The following TXNDC9 variants were observed in gnomAD, a reference collection of about 807,000 sequenced individuals.
TXNDC9 encodes the protein thioredoxin domain containing 9.
Under a neutral mutation model 23.0 loss-of-function variants are expected in TXNDC9, and 7 were observed. The ratio of observed to expected loss-of-function variants is 0.30; its 90% CI spans 0.17 to 0.57. TXNDC9 has a LOEUF of 0.57. TXNDC9 is among the 20% of genes least tolerant of loss of function. TXNDC9 has a pLI of 0.90. For missense variants in TXNDC9, 198 were observed against 252.6 expected, an observed-to-expected ratio of 0.78 and a Z score of 1.47; for synonymous variants, 72 against 90.6, an observed-to-expected ratio of 0.79 and a Z score of 1.17.
In TXNDC9 at chr2:99,319,522, C is replaced by A; in HGVS notation, c.*160G>T. 2 of 534,026 alleles carry A rather than the reference C, an allele frequency of 3.7e-6. No individual in the cohort carries two copies. Among genetic ancestry groups the A allele is most frequent in the South Asian group, 2.9e-5 (1 of 34,356 alleles). 33.1% of individuals were successfully genotyped at this position (534,026 alleles called of 1,614,324 possible). ...TTCCTCAACTTAAACATGATGGCCA[C>A]ACAGAAAACAGTAAAGACACTTTTC... On this transcript the variant is annotated 3_prime_UTR_variant, in exon 5 of 5. Transcript: ENST00000264255.
the TXNDC9 span, among the ~76,000 whole-genome samples, chr2:99,313,808 C>T: frequency 6.6e-6 from 1 of 152,150 alleles, no homozygotes; most frequent in African/African-American, 2.4e-5. Flanking sequence ...GTCCTTTTGT[C>T]CCTCCTACAT....
intron 3 of TXNDC9, among the ~76,000 whole-genome samples, chr2:99,324,822 T>C (rs890556444): frequency 6.6e-6 from 1 of 152,238 alleles, no homozygotes; most frequent in Non-Finnish European, 1.5e-5. Context: ...CTCAGCTCAA[T>C]GCAACCTCCG....
intron 2 of TXNDC9, among the ~76,000 whole-genome samples, chr2:99,331,388 A>T (rs2094224972): frequency 6.6e-6 from 1 of 152,070 alleles, no homozygotes; most frequent in African/African-American, 2.4e-5. Flanking sequence ...CAGCCTGACC[A>T]ACATGATGAA....
At chr2:99,314,529 C>CTTTTTTTTTTTT (rs55729391), downstream of TXNDC9, among the ~76,000 whole-genome samples, 11 of 97,420 alleles carry the variant, frequency 1.1e-4, no homozygotes, top group South Asian at 3.6e-4. Flanking sequence ...AATACTACAC[C>CTTTTTTTTTTTT]TTTTTTTTTT....
At chr2:99,310,777 A>T in the TXNDC9 span, among the ~76,000 whole-genome samples, 10 of 152,110 alleles carry the variant, frequency 6.6e-5, no homozygotes, top group African/African-American at 1.9e-4. Context: ...AAAAATAAAT[A>T]AATTAAAAAA....
In TXNDC9 at chr2:99,333,244, T is replaced by A; in HGVS notation, c.-32-2A>T. 6.4e-7 allele frequency: 1 copy of A among 1,574,634 alleles called. No homozygotes were observed. Among genetic ancestry groups the A allele is most frequent in the South Asian group, 1.2e-5 (1 of 84,964 alleles). On this transcript the variant is annotated splice_acceptor_variant, in intron 1 of 4. Coordinates refer to ENST00000264255, the MANE Select transcript of TXNDC9 (RefSeq NM_005783.4). LOFTEE classifies it low-confidence loss of function (5UTR_SPLICE). ...ATGGTACAGAGTTCAGCCTGGGTGC[T>A]GGGGAGAAGATTTACAAAATACATT...
At chr2:99,306,899 A>G in the TXNDC9 span, 2 of 403,840 alleles carry the variant, frequency 5.0e-6, no homozygotes, top group South Asian at 1.7e-5. Context: ...ACGTAGCCCA[A>G]AAACCTGTCT....
the TXNDC9 span, among the ~76,000 whole-genome samples, chr2:99,308,032 A>C: frequency 6.6e-6 from 1 of 151,838 alleles, no homozygotes; most frequent in Non-Finnish European, 1.5e-5. Context: ...AGACAGATAC[A>C]CCTCTAGAGT....
intron 4 of TXNDC9, among the ~76,000 whole-genome samples, chr2:99,320,735 T>C (rs1300107535): frequency 2.0e-5 from 3 of 152,200 alleles, no homozygotes; most frequent in Non-Finnish European, 2.9e-5. Flanking sequence ...TATGGAAGTC[T>C]TTAGGAGTAA....
At chr2:99,327,493 CTG>C (rs1400793243) in intron 3 of TXNDC9, 40 bp downstream of exon 3, 2 of 1,390,096 alleles carry the variant, frequency 1.4e-6, no homozygotes, top group East Asian at 4.6e-5. Flanking sequence ...AAACAATTCA[CTG>C]TGTTTTTTTA....
downstream of TXNDC9, among the ~76,000 whole-genome samples, chr2:99,318,187 G>C (rs1257573841): frequency 6.6e-6 from 1 of 152,166 alleles, no homozygotes; most frequent in African/African-American, 2.4e-5. Context: ...CACCGTGCCA[G>C]GCTCTTTCTG....
chr2:99,308,005 C>T, the TXNDC9 span, among the ~76,000 whole-genome samples: 6 of 152,158 alleles, frequency 3.9e-5, no homozygotes, highest in Non-Finnish European at 7.3e-5. Context: ...CTAACAGCCT[C>T]GGCTAACAGA....
At chr2:99,316,236 T>G (rs1190731359), downstream of TXNDC9, among the ~76,000 whole-genome samples, 1 of 151,988 alleles carries the variant, frequency 6.6e-6, no homozygotes, top group Non-Finnish European at 1.5e-5. Flanking sequence ...AGTATAGTGG[T>G]GCAATCATAG....
the TXNDC9 span, among the ~76,000 whole-genome samples, chr2:99,311,861 C>T: frequency 3.3e-5 from 5 of 152,150 alleles, no homozygotes; most frequent in Non-Finnish European, 7.3e-5. Context: ...ATTATATTAG[C>T]CCAAGGATGC....
the TXNDC9 span, among the ~76,000 whole-genome samples, chr2:99,313,549 G>A: frequency 2.6e-5 from 4 of 152,000 alleles, no homozygotes; most frequent in African/African-American, 4.8e-5. Flanking sequence ...GAGGTGGGAG[G>A]ATCACTTAAG....
chr2:99,329,411 C>T (rs948341796), intron 2 of TXNDC9, among the ~76,000 whole-genome samples: 2 of 152,160 alleles, frequency 1.3e-5, no homozygotes, highest in Non-Finnish European at 2.9e-5. Flanking sequence ...GGTCTGAATC[C>T]AGCCTCCAGA....
chr2:99,322,013 C>T lies in TXNDC9; in HGVS notation c.505G>A (p.Asp169Asn). ...CATTCTAAAGTTTCTGTGGTGAAGT[C>T]ATCTGTATTTCCTAGGTCAGTAAAC... ...VGFTDLGNTD[D>N]FTTETLEWRL... Residue 169 changes from aspartate to asparagine, a missense_variant, in exon 4 of 5, where the codon GAC (aspartate) becomes AAC (asparagine). Transcript: ENST00000264255. The T allele has an allele frequency of 6.2e-7, 1 of 1,614,052 alleles. No homozygotes were observed.
At position 99,327,485 on chromosome 2, in the gene TXNDC9, A is replaced by C. The variant is rs1041459744; in HGVS notation, c.308+50T>G. On this transcript the variant is annotated intron_variant, in intron 3 of 4. Coordinates refer to ENST00000264255, the MANE Select transcript of TXNDC9 (RefSeq NM_005783.4). ...AGTAAGCCAGTATATCTCCAGCCAA[A>C]CAATTCACTGTGTTTTTTTAGAAAA... The C allele has an allele frequency of 6.0e-6, 8 of 1,344,018 alleles. No homozygotes were observed. The African/African-American group carries it at 1.2e-4, about 19-fold the overall frequency. 83.3% of individuals were successfully genotyped at this position (1,344,018 alleles called of 1,614,324 possible). A position where few individuals can be genotyped will look rare whatever the true frequency, so the allele number is the denominator to read the frequency against.
At chr2:99,317,475 C>T (rs1051730019), downstream of TXNDC9, among the ~76,000 whole-genome samples, 1 of 152,138 alleles carries the variant, frequency 6.6e-6, no homozygotes, top group Non-Finnish European at 1.5e-5. Context: ...ACAGTCTGGG[C>T]GTGTGCAGTC....
Sources: gnomAD v4.1 joint callset for allele counts (sites outside exome capture counted in the v4.1 genomes callset) on GRCh38, gnomAD v4.1.1 for gene constraint, MANE v1.5 for transcripts, NCBI Gene and HGNC (gene_info 2026-07-23, HGNC 2026-07-21) for gene names.